The following MEGF11 variants were observed in gnomAD, a reference collection of about 807,000 sequenced individuals.
MEGF11 encodes the protein multiple epidermal growth factor-like domains protein 11.
A neutral mutation model predicts 146.6 loss-of-function variants in MEGF11; 126 were observed. The observed-to-expected ratio is 0.86, with a 90% CI of 0.74 to 1.00. The LOEUF (loss-of-function observed/expected upper bound fraction) is 1.00, where lower values mean the gene tolerates loss of function less well. Ranked by LOEUF, MEGF11 falls within the 50% of genes least tolerant of loss-of-function variation. The probability of loss-of-function intolerance (pLI) is 0.00; values close to 1 mark genes in which losing one functional copy is unlikely to be tolerated. For missense variants in MEGF11, 1,509 were observed against 1,521.2 expected (o/e 0.99, Z 0.13); for synonymous variants, 532 against 583.4 (o/e 0.91, Z 1.27).
Position 65,918,075 on chromosome 15 carries a change from A to G in MEGF11, c.1977T>C (p.Phe659=). 6.2e-7 allele frequency: 1 copy of G among 1,613,920 alleles called. No individual in the cohort carries two copies. Among genetic ancestry groups the G allele is most frequent in the Non-Finnish European group, 8.5e-7 (1 of 1,179,870 alleles). The change falls in exon 16 of 26, where the codon TTT becomes TTC. Residue 659 remains phenylalanine, a synonymous_variant. Coordinates refer to ENST00000395614, the MANE Select transcript of MEGF11 (RefSeq NM_001385028.1). ...LCNQVCAGGY[F]GQDCAQLCSC... The stretch of plus-strand genomic sequence containing the variant: ...AGCAGAGCTGGGCACAGTCCTGCCC[A>G]AAGTATCCTCCAGCACACACTGTGG...
intron 4 of MEGF11, among the ~76,000 whole-genome samples, chr15:66,108,668 G>A (rs571699495): frequency 2.4e-4 from 36 of 152,280 alleles, no homozygotes; most frequent in Middle Eastern, 3.4e-3. Context: ...GAACTGCCAA[G>A]GCTTCCTGTG....
At chr15:65,947,897 G>A (rs767387769) in intron 10 of MEGF11, among the ~76,000 whole-genome samples, 29 of 152,166 alleles carry the variant, frequency 1.9e-4, no homozygotes, top group Admixed American at 1.6e-3. Flanking sequence ...CTGATAATAA[G>A]GACATCAGGA....
At position 66,023,151 on chromosome 15, in the gene MEGF11, A is replaced by AAAAAAAAC. The variant is rs768042311; in HGVS notation, c.395-40664_395-40663insGTTTTTTT. ...GTGAGACTCCATCTCAAAAAAAAAAAAAAACAAACTTGTTTGAAGCTCTAG... is the reference window on the plus strand; with the variant it reads ...GTGAGACTCCATCTCAAAAAAAAAAAAAAAAAACAAAACAAACTTGTTTGAAGCTCTAG... On this transcript the variant is annotated intron_variant, in intron 5 of 25. Coordinates refer to ENST00000395614, the MANE Select transcript of MEGF11 (RefSeq NM_001385028.1). 1.3e-4 allele frequency among the ~76,000 whole-genome samples: 19 copies of AAAAAAAAC among 150,216 alleles called. 1 individual carries two copies. The highest frequency in any genetic ancestry group is 3.9e-4 in the East Asian group (2 of 5,110).
chr15:66,183,101 A>T (rs904522325), intron 1 of MEGF11, among the ~76,000 whole-genome samples: 5 of 152,252 alleles, frequency 3.3e-5, no homozygotes, highest in Non-Finnish European at 5.9e-5. Context: ...ACACACACAG[A>T]ATGACACTAC....
At position 65,963,968 on chromosome 15, in the gene MEGF11, C is replaced by T. The variant is rs549851022; in HGVS notation, c.1112+940G>A. Among the ~76,000 whole-genome samples, 9 of 152,340 alleles carry T rather than the reference C, an allele frequency of 5.9e-5. No homozygotes were observed. In the South Asian group the frequency reaches 1.9e-3, roughly 32 times the overall value. On this transcript the variant is annotated intron_variant, in intron 9 of 25. Coordinates refer to ENST00000395614, the MANE Select transcript of MEGF11 (RefSeq NM_001385028.1). ...CAAAGCAGAGGGATTCTCTGTCTGC[C>T]CTGCCAACAGCAGCAGCACCCATGC...
At chr15:66,138,964 C>T (rs781401016) in intron 1 of MEGF11, among the ~76,000 whole-genome samples, 8 of 152,198 alleles carry the variant, frequency 5.3e-5, no homozygotes, top group East Asian at 1.9e-4. Context: ...GACTGCCTCC[C>T]GGGGGTGGGG....
chr15:66,098,715 G>A (rs998540073), intron 4 of MEGF11, among the ~76,000 whole-genome samples: 5 of 152,186 alleles, frequency 3.3e-5, no homozygotes, highest in Admixed American at 3.3e-4. Flanking sequence ...ATTGGATTCA[G>A]CTTGGAAATA....
chr15:66,185,250 C>T (rs1165043359), intron 1 of MEGF11, among the ~76,000 whole-genome samples: 1 of 152,198 alleles, frequency 6.6e-6, no homozygotes, highest in Non-Finnish European at 1.5e-5. Flanking sequence ...GCCCCGCCAG[C>T]CCCTGCTGCC....
chr15:66,170,692 G>T (rs1013006313), intron 1 of MEGF11, among the ~76,000 whole-genome samples: 7 of 152,146 alleles, frequency 4.6e-5, no homozygotes, highest in Non-Finnish European at 1.0e-4. Context: ...AGAATGGGAG[G>T]GGGGCCTTTG....
At chr15:66,016,277 G>T (rs1273235699) in intron 5 of MEGF11, among the ~76,000 whole-genome samples, 2 of 151,942 alleles carry the variant, frequency 1.3e-5, no homozygotes, top group Non-Finnish European at 2.9e-5. Context: ...TTGCTGCCAG[G>T]TTTGCAAAAT....
rs766239463 is a variant in MEGF11, at chr15:65,982,276, C to T, written c.607G>A (p.Glu203Lys). 6 of 1,541,056 alleles carry T rather than the reference C, an allele frequency of 3.9e-6. No individual in the cohort carries two copies. Among genetic ancestry groups the T allele is most frequent in the South Asian group, 3.6e-5 (3 of 83,902 alleles). ...GTGTAGCCAGGTGCGCAGAGGCACTCGCCGGCGCGGGGGTCGCAGCTGGCA... is the reference window on the plus strand; with the variant it reads ...GTGTAGCCAGGTGCGCAGAGGCACTTGCCGGCGCGGGGGTCGCAGCTGGCA... ...HGASCDPRAG[E>K]CLCAPGYTGV... Residue 203 changes from glutamate (E) to lysine (K), a missense_variant, in exon 6 of 26, where the codon GAG becomes AAG. Coordinates refer to ENST00000395614, the MANE Select transcript of MEGF11 (RefSeq NM_001385028.1). This position sits in a 1 kb window ranked among gnomAD's most constrained non-coding sequence, Gnocchi z 5.6.
chr15:66,242,508 A>AAGGG (rs1356280485), intron 1 of MEGF11, among the ~76,000 whole-genome samples: 3 of 126,762 alleles, frequency 2.4e-5, no homozygotes, highest in Admixed American at 8.2e-5. Flanking sequence ...GGAGGGAGGG[A>AAGGG]AGGGAGGGAG....
At chr15:66,250,897 C>T (rs913429922) in intron 1 of MEGF11, among the ~76,000 whole-genome samples, 2 of 148,602 alleles carry the variant, frequency 1.3e-5, no homozygotes, top group Non-Finnish European at 3.0e-5. Flanking sequence ...AGTGAGACTC[C>T]GTCTCAAAAA....
intron 10 of MEGF11, among the ~76,000 whole-genome samples, chr15:65,951,741 A>C (rs1298888774): frequency 6.6e-6 from 1 of 152,108 alleles, no homozygotes; most frequent in African/African-American, 2.4e-5. Context: ...AGGCTTGTAC[A>C]ATACAAGAAG....
At chr15:66,148,869 T>C (rs1181581647) in intron 1 of MEGF11, among the ~76,000 whole-genome samples, 1 of 152,148 alleles carries the variant, frequency 6.6e-6, no homozygotes, top group East Asian at 1.9e-4. Flanking sequence ...ACCACTTCAC[T>C]CCCCTAGGGT....
At chr15:66,117,808 C>T (rs1304333354) in intron 4 of MEGF11, among the ~76,000 whole-genome samples, 2 of 152,222 alleles carry the variant, frequency 1.3e-5, no homozygotes, top group Admixed American at 6.5e-5. Context: ...GCTCAGTCCT[C>T]TGCCCTGCCC....
At chr15:66,183,816 T>A (rs2090620915) in intron 1 of MEGF11, among the ~76,000 whole-genome samples, 1 of 152,148 alleles carries the variant, frequency 6.6e-6, no homozygotes, top group Non-Finnish European at 1.5e-5. Context: ...TCCCAGCTGA[T>A]GCAGATGCCG....
intron 5 of MEGF11, among the ~76,000 whole-genome samples, chr15:66,059,778 G>A (rs974104079): frequency 2.0e-5 from 3 of 152,204 alleles, no homozygotes; most frequent in South Asian, 4.1e-4. Context: ...CTCTACCTAC[G>A]GTAGAACTGC....
rs117105554 is a variant in MEGF11, at chr15:66,179,281, C to T, written c.-8-50870G>A. Reference sequence around the variant, plus strand: ...CTGAGCAGCTGGGACTACTGGTACACGCCCCCACACCCAGCTAATTTTTGT... The same window carrying T: ...CTGAGCAGCTGGGACTACTGGTACATGCCCCCACACCCAGCTAATTTTTGT... On this transcript the variant is annotated intron_variant, in intron 1 of 25. Transcript: ENST00000395614. Among the ~76,000 whole-genome samples, 112 of 152,318 alleles carry T rather than the reference C, an allele frequency of 7.4e-4. 2 individuals are homozygous for T. The East Asian group carries it at 0.02, about 27-fold the overall frequency.
Sources: gnomAD v4.1 joint callset for allele counts (sites outside exome capture counted in the v4.1 genomes callset) on GRCh38, gnomAD v4.1.1 for gene constraint, Gnocchi (gnomAD v3.1) non-coding constraint, MANE v1.5 for transcripts, NCBI Gene and HGNC (gene_info 2026-07-23, HGNC 2026-07-21) for gene names.